Variants in IGDCC3 observed in about 807,000 individuals in gnomAD.
The protein encoded by IGDCC3 is putative neuronal cell adhesion molecule.
Under a neutral mutation model 72.0 loss-of-function variants are expected in IGDCC3, and 47 were observed. The ratio of observed to expected loss-of-function variants is 0.65; its 90% CI spans 0.52 to 0.83. The LOEUF (loss-of-function observed/expected upper bound fraction) is 0.83. IGDCC3 is among the 40% of genes least tolerant of loss of function. IGDCC3 has a pLI of 0.00. For missense variants in IGDCC3, 1,038 were observed against 1,091.3 expected, an observed-to-expected ratio of 0.95 and a Z score of 0.69; for synonymous variants, 477 against 472.8, an observed-to-expected ratio of 1.01 and a Z score of -0.11.
At chr15:65,338,126 G>A (rs2141039338) in intron 2 of IGDCC3, among the ~76,000 whole-genome samples, 1 of 152,302 alleles carries the variant, frequency 6.6e-6, no homozygotes, top group African/African-American at 2.4e-5. Flanking sequence ...TGCTAGAGCT[G>A]GAAGGGTCAC....
intron 2 of IGDCC3, among the ~76,000 whole-genome samples, chr15:65,337,612 G>A (rs927743633): frequency 6.6e-6 from 1 of 152,166 alleles, no homozygotes; most frequent in African/African-American, 2.4e-5. Flanking sequence ...TCAGGCCAAA[G>A]GCTGTGTTTG....
At chr15:65,367,753 A>AG (rs1375202977) in intron 2 of IGDCC3, among the ~76,000 whole-genome samples, 1 of 152,028 alleles carries the variant, frequency 6.6e-6, no homozygotes, top group East Asian at 1.9e-4. Context: ...CTCTTGCCCT[A>AG]GGCTGGGTCT....
At position 65,332,328 on chromosome 15, in the gene IGDCC3, A is replaced by G. The variant is rs577340112; in HGVS notation, c.983-222T>C. 4.9e-4 allele frequency among the ~76,000 whole-genome samples: 75 copies of G among 152,310 alleles called. 1 individual carries two copies. Among genetic ancestry groups the G allele is most frequent in the African/African-American group, 1.7e-3 (70 of 41,564 alleles). ...CTTCCCTCCTCCCCAGGCAGACCTG[A>G]GAGGACTCCTTTTTAATGACTATTT... On this transcript the variant is annotated intron_variant, in intron 6 of 13. Coordinates refer to ENST00000327987, the MANE Select transcript of IGDCC3 (RefSeq NM_004884.4).
chr15:65,344,342 C>T (rs1341688643), intron 2 of IGDCC3, among the ~76,000 whole-genome samples: 2 of 152,156 alleles, frequency 1.3e-5, no homozygotes, highest in Non-Finnish European at 2.9e-5. Flanking sequence ...TCAAGTCCTT[C>T]GCCGCCTGCC....
At position 65,333,247 on chromosome 15, in the gene IGDCC3, T is replaced by C. The variant is rs1567061171; in HGVS notation, c.982+10A>G. 1.3e-6 allele frequency: 2 copies of C among 1,593,712 alleles called. No homozygotes were observed. The highest frequency in any genetic ancestry group is 1.7e-6 in the Non-Finnish European group (2 of 1,170,198). On this transcript the variant is annotated intron_variant, in intron 6 of 13. Coordinates refer to ENST00000327987, the MANE Select transcript of IGDCC3 (RefSeq NM_004884.4). ...CCCTGCCCTCCTCCTCAGGGTTGGC[T>C]GATCCATACCTTGCACCACCAGCCG... is the stretch of plus-strand genomic sequence containing the variant.
chr15:65,345,010 C>T (rs370365723), intron 2 of IGDCC3, among the ~76,000 whole-genome samples: 18 of 152,136 alleles, frequency 1.2e-4, no homozygotes, highest in African/African-American at 3.9e-4. Flanking sequence ...GTCCCAGTTT[C>T]GAGTATTTGG....
In IGDCC3 at chr15:65,377,700, GGCA is replaced by G. The variant is rs1192778441; in HGVS notation, c.86_88del (p.Leu29del). ...CTTTCACTCACCCTCGCTCGGCGCG[GGCA>G]GCAGCAGCAACAGCAGCGGCAGCAG... is the stretch of plus-strand genomic sequence containing the variant. On this transcript the variant is annotated inframe_deletion, in exon 1 of 14. Coordinates refer to ENST00000327987, the MANE Select transcript of IGDCC3 (RefSeq NM_004884.4). The surrounding 1 kb of genome is among the most constrained non-coding windows in gnomAD (Gnocchi z 4.9). 2.3e-5 allele frequency: 33 copies of G among 1,413,480 alleles called. No individual in the cohort carries two copies. Among genetic ancestry groups the G allele is most frequent in the Middle Eastern group, 2.5e-4 (1 of 3,946 alleles). The allele number at this position is 1,413,480 out of a possible 1,614,324, so 87.6% of individuals were successfully genotyped here.
intron 2 of IGDCC3, among the ~76,000 whole-genome samples, chr15:65,347,258 G>C (rs577808515): frequency 3.0e-4 from 46 of 152,314 alleles, no homozygotes; most frequent in African/African-American, 8.9e-4. Flanking sequence ...CCATATATTA[G>C]GATTTGTAGG....
intron 4 of IGDCC3, 117 bp from the exon 5 acceptor site, chr15:65,334,982 C>G: frequency 8.1e-7 from 1 of 1,237,844 alleles, no homozygotes; most frequent in Non-Finnish European, 1.1e-6. Context: ...AAACCAGGTC[C>G]TGTGGGCAGA....
At chr15:65,362,868 TTTTTTA>T (rs1322352459) in intron 2 of IGDCC3, among the ~76,000 whole-genome samples, 1 of 144,438 alleles carries the variant, frequency 6.9e-6, no homozygotes, top group Non-Finnish European at 1.5e-5. Flanking sequence ...TTTTTTTTTT[TTTTTTA>T]GACAGAGTCT....
At position 65,328,883 on chromosome 15, in the gene IGDCC3, A is replaced by C. The variant is rs1595747366; in HGVS notation, c.*26T>G. 1 of 1,506,944 alleles carries C rather than the reference A, an allele frequency of 6.6e-7. No individual in the cohort carries two copies. The highest frequency in any genetic ancestry group is 8.8e-7 in the Non-Finnish European group (1 of 1,130,482). The allele number at this position is 1,506,944 out of a possible 1,614,324, so 93.3% of individuals were successfully genotyped here. On this transcript the variant is annotated 3_prime_UTR_variant, in exon 14 of 14. Coordinates refer to ENST00000327987, the MANE Select transcript of IGDCC3 (RefSeq NM_004884.4). ...CCTGAGAATGGGCCCCGCTCCGTCC[A>C]CCCTCTGGAGCCTGCCAGACACTGG...
At chr15:65,336,828 C>T (rs1170912630) in intron 2 of IGDCC3, among the ~76,000 whole-genome samples, 2 of 152,100 alleles carry the variant, frequency 1.3e-5, no homozygotes, top group Non-Finnish European at 2.9e-5. Context: ...CAAACCCCAC[C>T]CTGTAATGCC....
Position 65,330,332 on chromosome 15 carries a change from C to T in IGDCC3, c.1819G>A (p.Val607Ile), listed in dbSNP as rs1321390288. 2 of 1,613,934 alleles carry T rather than the reference C, an allele frequency of 1.2e-6. No homozygotes were observed. Among genetic ancestry groups the T allele is most frequent in the Non-Finnish European group, 1.7e-6 (2 of 1,179,966 alleles). ...YNQHGDGNAT[V>I]RFVSLRGASE... ...GCTCCCCTCAAAGACACAAAGCGGACTGTGGCATTGCCATCTCCATGCTGG... is the reference window on the plus strand; with the variant it reads ...GCTCCCCTCAAAGACACAAAGCGGATTGTGGCATTGCCATCTCCATGCTGG... Residue 607 changes from valine (V) to isoleucine (I), a missense_variant, in exon 11 of 14, where the codon GTC becomes ATC. Val to Ile is a conservative substitution (Grantham distance 29). Transcript: ENST00000327987.
In IGDCC3 at chr15:65,362,097, A is replaced by T. The variant is rs1466919060; in HGVS notation, c.409+13000T>A. On this transcript the variant is annotated intron_variant, in intron 2 of 13. Transcript: ENST00000327987. ...TTTCATCCTGACATTAAAAAAAAAAAAGAAGTGGTACAGAGGGAGCTGGGG... is the reference window on the plus strand; with the variant it reads ...TTTCATCCTGACATTAAAAAAAAAATAGAAGTGGTACAGAGGGAGCTGGGG... 3.9e-5 allele frequency among the ~76,000 whole-genome samples: 6 copies of T among 152,092 alleles called. No individual in the cohort carries two copies. The East Asian group carries it at 7.7e-4, about 20-fold the overall frequency.
In IGDCC3 at chr15:65,339,047, C is replaced by T. The variant is rs574851899; in HGVS notation, c.410-3091G>A. 4.6e-5 allele frequency among the ~76,000 whole-genome samples: 7 copies of T among 152,094 alleles called. No homozygotes were observed. Among genetic ancestry groups the T allele is most frequent in the Non-Finnish European group, 7.4e-5 (5 of 67,984 alleles). ...CCTCCTGAGGAGCTGGGACCACAAG[C>T]GCGCACCACCACGCCCAGCTAATTT... On this transcript the variant is annotated intron_variant, in intron 2 of 13. Transcript: ENST00000327987. This position sits in a 1 kb window ranked among gnomAD's most constrained non-coding sequence, Gnocchi z 4.1.
At chr15:65,355,437 C>G (rs2091209467) in intron 2 of IGDCC3, among the ~76,000 whole-genome samples, 1 of 151,890 alleles carries the variant, frequency 6.6e-6, no homozygotes, top group Admixed American at 6.6e-5. Context: ...GGAGCGACAA[C>G]AGCCACCGGA....
chr15:65,344,738 C>A (rs2091112103), intron 2 of IGDCC3, among the ~76,000 whole-genome samples: 1 of 152,176 alleles, frequency 6.6e-6, no homozygotes, highest in African/African-American at 2.4e-5. Flanking sequence ...AATTACTCAG[C>A]CCCATAATTT....
intron 2 of IGDCC3, among the ~76,000 whole-genome samples, chr15:65,364,718 C>T (rs1016617649): frequency 1.5e-5 from 2 of 134,256 alleles, no homozygotes; most frequent in Admixed American, 1.5e-4. Flanking sequence ...CTAATCTCTA[C>T]CAAAATACAA....
intron 2 of IGDCC3, among the ~76,000 whole-genome samples, chr15:65,357,089 C>T (rs1161341319): frequency 6.6e-6 from 1 of 151,734 alleles, no homozygotes; most frequent in Non-Finnish European, 1.5e-5. Flanking sequence ...TGACCTTAGG[C>T]AATCCGCCCA....
Sources: gnomAD v4.1 joint callset for allele counts (sites outside exome capture counted in the v4.1 genomes callset) on GRCh38, gnomAD v4.1.1 for gene constraint, Gnocchi (gnomAD v3.1) non-coding constraint, MANE v1.5 for transcripts, NCBI Gene and HGNC (gene_info 2026-07-23, HGNC 2026-07-21) for gene names.